Variants in DAB1 observed in about 807,000 individuals in gnomAD.
DAB1 encodes the protein disabled homolog 1.
A neutral mutation model predicts 64.6 loss-of-function variants in DAB1; 15 were observed. That is an observed-to-expected ratio of 0.23 (90% CI 0.16 to 0.36). The LOEUF is 0.36. Among genes scored for constraint, DAB1 ranks in the 10% least tolerant of loss-of-function variants. DAB1 has a pLI of 1.00. For synonymous variants in DAB1, 235 were observed against 251.9 expected (o/e 0.93, Z 0.64); for missense variants, 596 against 706.7 (o/e 0.84, Z 1.78).
At chr1:58,086,821 T>C (rs1242818715) in intron 5 of DAB1, among the ~76,000 whole-genome samples, 2 of 151,946 alleles carry the variant, frequency 1.3e-5, no homozygotes, top group African/African-American at 4.8e-5. Flanking sequence ...ATTCACTCTT[T>C]AAAGCCCAAT....
intron 11 of DAB1, among the ~76,000 whole-genome samples, chr1:57,022,451 A>C (rs1646651479): frequency 6.6e-6 from 1 of 152,228 alleles, no homozygotes; most frequent in Non-Finnish European, 1.5e-5. Context: ...TTTCTAGGCA[A>C]TTTGCAGTCT....
At chr1:57,213,517 C>T (rs917190548) in intron 2 of DAB1, among the ~76,000 whole-genome samples, 1 of 152,068 alleles carries the variant, frequency 6.6e-6, no homozygotes, top group African/African-American at 2.4e-5. Flanking sequence ...AAACACTTTC[C>T]CTACAGTTCA....
At chr1:57,898,220 T>C (rs1266745425) in intron 5 of DAB1, among the ~76,000 whole-genome samples, 1 of 152,126 alleles carries the variant, frequency 6.6e-6, no homozygotes, top group Non-Finnish European at 1.5e-5. Flanking sequence ...CGTATTTAGG[T>C]AACTGAGACT....
chr1:57,944,466 T>C (rs1570042294), intron 5 of DAB1, among the ~76,000 whole-genome samples: 2 of 152,334 alleles, frequency 1.3e-5, no homozygotes, highest in East Asian at 1.9e-4. Flanking sequence ...CAAGATACTA[T>C]AGACAACTCA....
At chr1:57,588,621 G>A (rs982681767) in intron 7 of DAB1, among the ~76,000 whole-genome samples, 2 of 152,128 alleles carry the variant, frequency 1.3e-5, no homozygotes, top group Non-Finnish European at 2.9e-5. Flanking sequence ...TTTGAATCTT[G>A]GCAAATATTG....
At chr1:57,081,483 A>G (rs1426605084) in intron 4 of DAB1, among the ~76,000 whole-genome samples, 1 of 152,220 alleles carries the variant, frequency 6.6e-6, no homozygotes, top group African/African-American at 2.4e-5. Flanking sequence ...AAAAGAGCTA[A>G]AAGTTAGAGT....
At chr1:57,438,726 C>CT (rs552813520) in intron 7 of DAB1, among the ~76,000 whole-genome samples, 27 of 152,014 alleles carry the variant, frequency 1.8e-4, no homozygotes, top group East Asian at 7.7e-4. Flanking sequence ...ACATTTAGTT[C>CT]TTTTTTTTCA....
intron 3 of DAB1, among the ~76,000 whole-genome samples, chr1:57,138,117 A>G (rs911131670): frequency 2.0e-5 from 3 of 152,200 alleles, no homozygotes; most frequent in Non-Finnish European, 4.4e-5. Context: ...AATGTCCATT[A>G]CAGTTTGTGT....
intron 3 of DAB1, among the ~76,000 whole-genome samples, chr1:58,397,778 G>A (rs1465162229): frequency 2.6e-5 from 4 of 152,110 alleles, no homozygotes; most frequent in African/African-American, 9.7e-5. Flanking sequence ...TATTCACCAC[G>A]TCCTGTGGAT....
At chr1:58,198,969 C>G (rs199867357) in intron 4 of DAB1, among the ~76,000 whole-genome samples, 1 of 152,040 alleles carries the variant, frequency 6.6e-6, no homozygotes, top group African/African-American at 2.4e-5. Flanking sequence ...TAGCTGGGCA[C>G]GGTGGCGCAT....
At chr1:58,098,108 C>T (rs149584002) in intron 5 of DAB1, among the ~76,000 whole-genome samples, 66 of 152,278 alleles carry the variant, frequency 4.3e-4, no homozygotes, top group African/African-American at 1.5e-3. Context: ...AAAATACATA[C>T]AGGCCATGTC....
rs150800049 is a variant in DAB1 at position 58,471,627 on chromosome 1, G to A, written n.257+34433C>T. Among the ~76,000 whole-genome samples, 239 of 152,316 alleles carry A rather than the reference G, an allele frequency of 1.6e-3. 1 individual carries two copies. Among genetic ancestry groups the A allele is most frequent in the African/African-American group, 5.3e-3 (221 of 41,562 alleles). On this transcript the variant is annotated intron_variant and non_coding_transcript_variant, in intron 3 of 20. Coordinates refer to the DAB1 transcript ENST00000485760. ...ATCCCCTTTTTGGAGGTGGGGCCCA[G>A]TGAGAGGTGATTGGATCATGGGGCA...
intron 1 of DAB1, among the ~76,000 whole-genome samples, chr1:57,306,036 G>A (rs1017458612): frequency 6.6e-6 from 1 of 151,622 alleles, no homozygotes; most frequent in Non-Finnish European, 1.5e-5. Flanking sequence ...TAGGCTTCAC[G>A]TTCTGTGCTA....
rs190135235 is a variant in DAB1 at position 58,329,199 on chromosome 1, A to G, written n.309+14153T>C. On this transcript the variant is annotated intron_variant and non_coding_transcript_variant, in intron 4 of 20. Transcript: ENST00000485760. ...AAATGAAAGTTGCCTATATATCTCA[A>G]CACTACTAATAACCACTACATGAAT... 7.2e-5 allele frequency among the ~76,000 whole-genome samples: 11 copies of G among 152,376 alleles called. No homozygotes were observed. In the East Asian group the frequency reaches 2.1e-3, roughly 29 times the overall value.
At chr1:58,256,864 C>G (rs1245516251) in intron 4 of DAB1, among the ~76,000 whole-genome samples, 1 of 152,172 alleles carries the variant, frequency 6.6e-6, no homozygotes, top group African/African-American at 2.4e-5. Context: ...TTGATCTCCC[C>G]CACCTTTCTG....
intron 5 of DAB1, among the ~76,000 whole-genome samples, chr1:57,899,788 C>T (rs894214019): frequency 6.6e-6 from 1 of 152,128 alleles, no homozygotes; most frequent in African/African-American, 2.4e-5. Context: ...CAAGATCCGG[C>T]TCTCGCATTG....
intron 7 of DAB1, among the ~76,000 whole-genome samples, chr1:57,434,774 T>C (rs918062627): frequency 6.6e-6 from 1 of 152,156 alleles, no homozygotes; most frequent in South Asian, 2.1e-4. Context: ...TGTAGGCAAT[T>C]ATAATACAAT....
At chr1:57,898,357 T>G (rs1201155187) in intron 5 of DAB1, among the ~76,000 whole-genome samples, 1 of 152,198 alleles carries the variant, frequency 6.6e-6, no homozygotes, top group Middle Eastern at 3.2e-3. Flanking sequence ...AGTGATTTTA[T>G]CTCTAAAATT....
intron 7 of DAB1, among the ~76,000 whole-genome samples, chr1:57,599,354 A>T (rs980138319): frequency 2.0e-5 from 3 of 152,020 alleles, no homozygotes; most frequent in African/African-American, 7.2e-5. Context: ...AAAAAGCACA[A>T]AGCAGGGCTA....
Sources: allele counts gnomAD v4.1 joint callset (sites outside exome capture counted in the v4.1 genomes callset), GRCh38; gene constraint gnomAD v4.1.1; transcripts MANE v1.5; gene names NCBI Gene and HGNC (gene_info 2026-07-23, HGNC 2026-07-21).